TRMT11: variants seen among roughly 807,000 people sequenced by gnomAD.
TRMT11 encodes the protein tRNA (guanine(10)-N(2))-methyltransferase TRMT11.
TRMT11 carries 53 observed loss-of-function variants against 62.8 expected under a neutral mutation model. The ratio of observed to expected loss-of-function variants is 0.84; its 90% CI spans 0.68 to 1.06. The LOEUF is 1.06. TRMT11 is among the 50% of genes least tolerant of loss of function. The probability of loss-of-function intolerance (pLI) is 0.00; values close to 1 mark genes in which losing one functional copy is unlikely to be tolerated. For missense variants in TRMT11, 556 were observed against 553.4 expected (o/e 1.00, Z -0.05); for synonymous variants, 188 against 190.3 (o/e 0.99, Z 0.10).
intron 12 of TRMT11, among the ~76,000 whole-genome samples, chr6:126,023,328 A>T (rs1796096824): frequency 6.6e-6 from 1 of 152,200 alleles, no homozygotes; most frequent in Non-Finnish European, 1.5e-5. Context: ...CCCGTTGATT[A>T]ACCAATACTG....
At chr6:126,113,169 C>G (rs549055566) in intron 18 of TRMT11, among the ~76,000 whole-genome samples, 1 of 151,956 alleles carries the variant, frequency 6.6e-6, no homozygotes, top group Non-Finnish European at 1.5e-5. Flanking sequence ...GTTTGAGGGG[C>G]GTTATGTTCC....
the TRMT11 span, among the ~76,000 whole-genome samples, chr6:126,231,092 T>C: frequency 0.11 from 16,990 of 152,246 alleles, 3,156 homozygotes; most frequent in African/African-American, 0.38. Context: ...ACATTAGCTG[T>C]CTTTTATCTG....
At chr6:126,128,541 G>T (rs1338836841) in intron 21 of TRMT11, among the ~76,000 whole-genome samples, 1 of 152,054 alleles carries the variant, frequency 6.6e-6, no homozygotes, top group Non-Finnish European at 1.5e-5. Context: ...ACCACTTACT[G>T]TGTTTTAACT....
At chr6:126,155,200 G>A (rs1448631795) in intron 21 of TRMT11, among the ~76,000 whole-genome samples, 1 of 152,204 alleles carries the variant, frequency 6.6e-6, no homozygotes, top group Non-Finnish European at 1.5e-5. Flanking sequence ...AGGGGGAGCA[G>A]GCATTTTATA....
At chr6:126,141,879 G>T (rs1008910537) in intron 21 of TRMT11, among the ~76,000 whole-genome samples, 9 of 151,958 alleles carry the variant, frequency 5.9e-5, no homozygotes, top group African/African-American at 2.2e-4. Flanking sequence ...TCAAGACTTT[G>T]TCTCAACTGT....
the TRMT11 span, among the ~76,000 whole-genome samples, chr6:126,253,530 A>G: frequency 6.6e-6 from 1 of 151,804 alleles, no homozygotes; most frequent in Non-Finnish European, 1.5e-5. Flanking sequence ...AAAGGCTAGT[A>G]GTACAATAGT....
intron 17 of TRMT11, among the ~76,000 whole-genome samples, chr6:126,105,942 A>G (rs943734206): frequency 6.6e-6 from 1 of 152,284 alleles, no homozygotes; most frequent in South Asian, 2.1e-4. Flanking sequence ...TTAATATGGA[A>G]AAATCCAAAG....
the TRMT11 span, among the ~76,000 whole-genome samples, chr6:126,247,299 TATC>T: frequency 2.0e-5 from 3 of 151,718 alleles, no homozygotes; most frequent in Admixed American, 2.0e-4. Flanking sequence ...AATTGGCAAA[TATC>T]ATAACAGAGG....
At chr6:126,203,364 T>G (rs145248543), downstream of TRMT11, among the ~76,000 whole-genome samples, 35 of 152,296 alleles carry the variant, frequency 2.3e-4, no homozygotes, top group Admixed American at 6.5e-4. Context: ...TTCCAACCAC[T>G]TAAAAAGTAG....
At chr6:126,266,067 C>T in the TRMT11 span, among the ~76,000 whole-genome samples, 1 of 152,016 alleles carries the variant, frequency 6.6e-6, no homozygotes, top group Admixed American at 6.6e-5. Flanking sequence ...CAAAATCTTA[C>T]CCTTGAAAAT....
At chr6:126,209,580 G>T in the TRMT11 span, among the ~76,000 whole-genome samples, 4 of 151,008 alleles carry the variant, frequency 2.6e-5, no homozygotes, top group Admixed American at 2.6e-4. Flanking sequence ...AAAAAAAATA[G>T]CTGGGCATGG....
chr6:126,019,526 C>G (rs1795500828), intron 11 of TRMT11, among the ~76,000 whole-genome samples: 1 of 151,942 alleles, frequency 6.6e-6, no homozygotes, highest in Admixed American at 6.6e-5. Flanking sequence ...TTAAGTGACA[C>G]CTTAATAAAA....
intron 17 of TRMT11, among the ~76,000 whole-genome samples, chr6:126,055,593 A>G (rs1448723678): frequency 6.6e-6 from 1 of 152,212 alleles, no homozygotes; most frequent in African/African-American, 2.4e-5. Flanking sequence ...CTTTCAATAC[A>G]CTGTTCTCTG....
chr6:126,247,510 A>G, the TRMT11 span, among the ~76,000 whole-genome samples: 4 of 146,254 alleles, frequency 2.7e-5, no homozygotes, highest in African/African-American at 1.0e-4. Flanking sequence ...ATCTCTCTCT[A>G]TATATAAATA....
At chr6:126,014,897 A>G (rs1794755178) in intron 11 of TRMT11, among the ~76,000 whole-genome samples, 1 of 152,010 alleles carries the variant, frequency 6.6e-6, no homozygotes, top group Admixed American at 6.6e-5. Flanking sequence ...TGCTGTATTC[A>G]CTTAATTCGA....
chr6:125,992,404 AAAC>A (rs1187505129), intron 1 of TRMT11, among the ~76,000 whole-genome samples: 11 of 152,364 alleles, frequency 7.2e-5, no homozygotes, highest in Admixed American at 7.2e-4. Context: ...AATATAGAAC[AAAC>A]AACAATCATG....
intron 21 of TRMT11, among the ~76,000 whole-genome samples, chr6:126,151,770 C>T (rs1290152522): frequency 4.5e-4 from 61 of 134,308 alleles, no homozygotes; most frequent in African/African-American, 1.7e-3. Context: ...TCCTTCCCTT[C>T]CTTTCACCCT....
the TRMT11 span, among the ~76,000 whole-genome samples, chr6:126,263,746 C>A: frequency 6.6e-6 from 1 of 152,070 alleles, no homozygotes; most frequent in Non-Finnish European, 1.5e-5. Flanking sequence ...TGTTTGCTTC[C>A]AGCTGGAACC....
the TRMT11 span, among the ~76,000 whole-genome samples, chr6:126,269,585 A>G: frequency 1.3e-5 from 2 of 152,208 alleles, no homozygotes; most frequent in African/African-American, 4.8e-5. Flanking sequence ...ACTTCCAACC[A>G]TACAAAATTA....
Sources: allele counts gnomAD v4.1 joint callset (sites outside exome capture counted in the v4.1 genomes callset), GRCh38; gene constraint gnomAD v4.1.1; transcripts MANE v1.5; gene names NCBI Gene and HGNC (gene_info 2026-07-23, HGNC 2026-07-21).